The following ZNF354B variants were observed in gnomAD, a reference collection of about 807,000 sequenced individuals.
ZNF354B encodes the protein zinc finger protein 354B.
ZNF354B carries 10 observed loss-of-function variants against 12.9 expected under a neutral mutation model. That is an observed-to-expected ratio of 0.77 (90% CI 0.48 to 1.31). The LOEUF is 1.31. Among genes scored for constraint, ZNF354B ranks in the 40% most tolerant of loss-of-function variants. ZNF354B has a pLI of 0.00. For synonymous variants in ZNF354B, 260 were observed against 243.7 expected (o/e 1.07, Z -0.62); for missense variants, 614 against 711.7 (o/e 0.86, Z 1.56).
chr5:178,863,354 A>G (rs1581807155), intron 2 of ZNF354B, among the ~76,000 whole-genome samples: 1 of 152,012 alleles, frequency 6.6e-6, no homozygotes, highest in South Asian at 2.1e-4. Context: ...CATTTTGGTC[A>G]ATAAAAGACC....
intron 4 of ZNF354B, among the ~76,000 whole-genome samples, chr5:178,873,871 G>T (rs1442830797): frequency 1.3e-5 from 2 of 151,520 alleles, no homozygotes; most frequent in East Asian, 1.9e-4. Flanking sequence ...AACATGATAT[G>T]TCGTTCTATT....
chr5:178,862,856 CTG>C, intron 2 of ZNF354B, among the ~76,000 whole-genome samples: 1 of 152,324 alleles, frequency 6.6e-6, no homozygotes, highest in African/African-American at 2.4e-5. Context: ...GGCATCCTTC[CTG>C]TCTGTTCTTG....
At chr5:178,864,866 A>C (rs928246283) in intron 2 of ZNF354B, among the ~76,000 whole-genome samples, 63 of 151,980 alleles carry the variant, frequency 4.1e-4, no homozygotes, top group African/African-American at 1.4e-3. Context: ...CAGGCAGTCC[A>C]CCCGCCTCGG....
At chr5:178,861,897 A>T (rs1489153979) in intron 2 of ZNF354B, among the ~76,000 whole-genome samples, 1 of 152,216 alleles carries the variant, frequency 6.6e-6, no homozygotes, top group Non-Finnish European at 1.5e-5. Context: ...TGAAGGGATC[A>T]CATGAGTTAG....
intron 4 of ZNF354B, among the ~76,000 whole-genome samples, chr5:178,871,622 G>T (rs762084371): frequency 2.6e-5 from 4 of 152,204 alleles, no homozygotes; most frequent in East Asian, 1.9e-4. Flanking sequence ...GGCCAGGGTA[G>T]GCGTCCAGTT....
chr5:178,881,558 ATTAC>A (rs1216320700), intron 4 of ZNF354B, among the ~76,000 whole-genome samples: 1 of 152,180 alleles, frequency 6.6e-6, no homozygotes, highest in East Asian at 1.9e-4. Flanking sequence ...GATTTTTCAT[ATTAC>A]TTGTAAATTT....
rs1446490917 is a variant in ZNF354B at position 178,884,468 on chromosome 5, G to A, written c.*177G>A. On this transcript the variant is annotated 3_prime_UTR_variant, in exon 5 of 5. Transcript: ENST00000322434. ...TGTCACTCACTTTTTAAAATATCCC[G>A]AGACAGTTCACTGTTGCAGACATTG... 7.9e-6 allele frequency: 5 copies of A among 634,048 alleles called. No homozygotes were observed. Among genetic ancestry groups the A allele is most frequent in the South Asian group, 6.4e-5 (2 of 31,380 alleles). 39.3% of individuals were successfully genotyped at this position (634,048 alleles called of 1,614,324 possible). A position where few individuals can be genotyped will look rare whatever the true frequency, so the allele number is the denominator to read the frequency against.
In ZNF354B at chr5:178,862,379, T is replaced by C. The variant is rs1424860537; in HGVS notation, c.33+1299T>C. Among the ~76,000 whole-genome samples, 4 of 149,530 alleles carry C rather than the reference T, an allele frequency of 2.7e-5. 1 individual carries two copies. The highest frequency in any genetic ancestry group is 2.0e-4 in the Admixed American group (3 of 14,992). ...GGCATTATCTTTTTTTTTTTTTTTTTTTTTTGAGAGGCAGTCTTGCTCTGT... is the reference window on the plus strand; with the variant it reads ...GGCATTATCTTTTTTTTTTTTTTTTCTTTTTGAGAGGCAGTCTTGCTCTGT... On this transcript the variant is annotated intron_variant, in intron 2 of 4. Transcript: ENST00000322434.
intron 1 of ZNF354B, among the ~76,000 whole-genome samples, 183 bp downstream of exon 1, chr5:178,860,310 C>T (rs1757325780): frequency 6.6e-6 from 1 of 151,916 alleles, no homozygotes; most frequent in South Asian, 2.1e-4. Flanking sequence ...GCCGACGCCC[C>T]TGCCTCTGGC....
chr5:178,872,374 T>C (rs1757577874), intron 4 of ZNF354B, among the ~76,000 whole-genome samples: 1 of 152,242 alleles, frequency 6.6e-6, no homozygotes, highest in Admixed American at 6.5e-5. Context: ...TCATAGTTTG[T>C]ATAGCCATTC....
At chr5:178,867,939 G>A (rs1485999813) in intron 4 of ZNF354B, among the ~76,000 whole-genome samples, 4 of 152,182 alleles carry the variant, frequency 2.6e-5, no homozygotes, top group Admixed American at 1.3e-4. Flanking sequence ...TGGGAGTATC[G>A]TGATTGAAAG....
chr5:178,874,257 C>A (rs1337565793), intron 4 of ZNF354B, among the ~76,000 whole-genome samples: 1 of 152,134 alleles, frequency 6.6e-6, no homozygotes, highest in East Asian at 1.9e-4. Flanking sequence ...ATGCCTGGCC[C>A]ATTTCCTGCA....
chr5:178,870,324 G>A (rs1306671389), intron 4 of ZNF354B, among the ~76,000 whole-genome samples: 4 of 152,196 alleles, frequency 2.6e-5, no homozygotes, highest in Admixed American at 2.6e-4. Context: ...TGCCCAGGCT[G>A]GAGTGCATTG....
In ZNF354B at chr5:178,867,996, T is replaced by C. The variant is rs114082834; in HGVS notation, c.256+925T>C. 2.9e-3 allele frequency among the ~76,000 whole-genome samples: 437 copies of C among 152,152 alleles called. 2 individuals are homozygous for C. The highest frequency in any genetic ancestry group is 0.02 in the Middle Eastern group (6 of 294). Reference sequence around the variant, plus strand: ...AAGCCTTGCAGAGCAATTGCAATCATGGAGGGAGGCAGGAGGTGGAAGGGC... The same window carrying C: ...AAGCCTTGCAGAGCAATTGCAATCACGGAGGGAGGCAGGAGGTGGAAGGGC... On this transcript the variant is annotated intron_variant, in intron 4 of 4. Transcript: ENST00000322434.
chr5:178,866,771 C>T (rs1029083535), intron 3 of ZNF354B, among the ~76,000 whole-genome samples: 1 of 152,200 alleles, frequency 6.6e-6, no homozygotes, highest in African/African-American at 2.4e-5. Context: ...AATCCATCTT[C>T]AAAAGGGAAT....
At chr5:178,866,902 C>A in intron 3 of ZNF354B, 74 bp from the exon 4 acceptor site, 1 of 1,446,882 alleles carries the variant, frequency 6.9e-7, no homozygotes, top group Non-Finnish European at 9.7e-7. Context: ...CACGGTTACC[C>A]TAATAATCAA....
chr5:178,874,745 C>T (rs549496328), intron 4 of ZNF354B, among the ~76,000 whole-genome samples: 24 of 152,238 alleles, frequency 1.6e-4, no homozygotes, highest in Admixed American at 3.9e-4. Flanking sequence ...TCATTTCAGC[C>T]GCTTAGGAGC....
Position 178,861,189 on chromosome 5 carries a change from G to C in ZNF354B, c.33+109G>C, listed in dbSNP as rs186973024. Reference sequence around the variant, plus strand: ...GATGGAGCCCAAGTCCTTTTCTCTTGGAGGAGCTGGTCCGCCCTCATGACT... The same window carrying C: ...GATGGAGCCCAAGTCCTTTTCTCTTCGAGGAGCTGGTCCGCCCTCATGACT... On this transcript the variant is annotated intron_variant, in intron 2 of 4. Transcript: ENST00000322434. 2.3e-3 allele frequency: 2,419 copies of C among 1,056,980 alleles called. 12 individuals carry two copies. Among genetic ancestry groups the C allele is most frequent in the Middle Eastern group, 0.011 (38 of 3,496 alleles). 65.5% of individuals were successfully genotyped at this position (1,056,980 alleles called of 1,614,324 possible). A position where few individuals can be genotyped will look rare whatever the true frequency, so the allele number is the denominator to read the frequency against.
chr5:178,865,817 G>A (rs1757439068), intron 2 of ZNF354B, among the ~76,000 whole-genome samples: 1 of 151,800 alleles, frequency 6.6e-6, no homozygotes, highest in South Asian at 2.1e-4. Flanking sequence ...ATTTAACCCA[G>A]CCTATATCAG....
Sources: allele counts gnomAD v4.1 joint callset (sites outside exome capture counted in the v4.1 genomes callset), GRCh38; gene constraint gnomAD v4.1.1; transcripts MANE v1.5; gene names NCBI Gene and HGNC (gene_info 2026-07-23, HGNC 2026-07-21).